The following NR2F1-AS1 variants were observed in gnomAD, a reference collection of about 807,000 sequenced individuals.
NR2F1-AS1 encodes the protein NR2F1 antisense RNA 1.
intron 4 of NR2F1-AS1, among the ~76,000 whole-genome samples, chr5:93,478,013 G>A (rs963585568): frequency 2.6e-5 from 4 of 152,182 alleles, no homozygotes; most frequent in African/African-American, 9.7e-5. Flanking sequence ...TGGAAATGCT[G>A]CAATAACAGC....
intron 2 of NR2F1-AS1, among the ~76,000 whole-genome samples, chr5:93,556,920 A>G (rs1752370158): frequency 6.6e-6 from 1 of 152,202 alleles, no homozygotes; most frequent in South Asian, 2.1e-4. Context: ...AAGGGAAACC[A>G]TGATTTCTTT....
chr5:93,576,055 C>T (rs970475857), intron 1 of NR2F1-AS1, among the ~76,000 whole-genome samples: 7 of 152,148 alleles, frequency 4.6e-5, no homozygotes, highest in African/African-American at 7.2e-5. Context: ...CCATTAAGAG[C>T]GATTAGATGA....
At chr5:93,464,100 T>C (rs1750164250) in intron 4 of NR2F1-AS1, among the ~76,000 whole-genome samples, 1 of 152,168 alleles carries the variant, frequency 6.6e-6, no homozygotes, top group Non-Finnish European at 1.5e-5. Flanking sequence ...TCATCTTGAA[T>C]TGTAACTCCC....
In NR2F1-AS1 at chr5:93,517,458, TTC is replaced by T. The variant is rs567052811; in HGVS notation, n.638+36301_638+36302del. ...TTTTTTAATTTACTTCATTATATACTTCTCTTTTCACATTTTCTCCTGTTAGT... is the reference window on the plus strand; with the variant it reads ...TTTTTTAATTTACTTCATTATATACTTCTTTTCACATTTTCTCCTGTTAGT... On this transcript the variant is annotated intron_variant and non_coding_transcript_variant, in intron 4 of 5. Coordinates refer to ENST00000660523, the Ensembl canonical transcript of NR2F1-AS1. Among the ~76,000 whole-genome samples, 20 of 152,214 alleles carry T rather than the reference TTC, an allele frequency of 1.3e-4. No homozygotes were observed. The East Asian group carries it at 3.7e-3, about 28-fold the overall frequency.
chr5:93,501,565 G>A (rs1751080838), intron 4 of NR2F1-AS1, among the ~76,000 whole-genome samples: 1 of 151,846 alleles, frequency 6.6e-6, no homozygotes, highest in Non-Finnish European at 1.5e-5. Flanking sequence ...TGTTGTCCAG[G>A]CTGGTCTCGA....
At chr5:93,537,800 T>C (rs1269786187) in intron 4 of NR2F1-AS1, among the ~76,000 whole-genome samples, 7 of 152,204 alleles carry the variant, frequency 4.6e-5, no homozygotes, top group African/African-American at 1.4e-4. Context: ...CTACTGGATA[T>C]ACAGCAGGTA....
chr5:93,450,467 C>T (rs1413011674), intron 4 of NR2F1-AS1, among the ~76,000 whole-genome samples: 1 of 152,136 alleles, frequency 6.6e-6, no homozygotes, highest in Non-Finnish European at 1.5e-5. Flanking sequence ...TTGGTTTAAA[C>T]TGACTCTACT....
At chr5:93,464,328 T>A (rs1750172415) in intron 4 of NR2F1-AS1, among the ~76,000 whole-genome samples, 1 of 152,228 alleles carries the variant, frequency 6.6e-6, no homozygotes, top group Non-Finnish European at 1.5e-5. Context: ...ATTAAATGTC[T>A]TTCTTTTCTA....
At chr5:93,493,390 TGAAA>T (rs1300906398) in intron 4 of NR2F1-AS1, among the ~76,000 whole-genome samples, 1 of 152,048 alleles carries the variant, frequency 6.6e-6, no homozygotes. Context: ...AAAACATCGC[TGAAA>T]GAAACTTTAA....
At chr5:93,434,973 G>T (rs1287930263) in intron 4 of NR2F1-AS1, among the ~76,000 whole-genome samples, 1 of 152,106 alleles carries the variant, frequency 6.6e-6, no homozygotes, top group Non-Finnish European at 1.5e-5. Flanking sequence ...AAGTTGTTAA[G>T]GTGGTATCTA....
intron 4 of NR2F1-AS1, among the ~76,000 whole-genome samples, chr5:93,494,550 G>C (rs1750919673): frequency 6.6e-6 from 1 of 152,132 alleles, no homozygotes; most frequent in African/African-American, 2.4e-5. Context: ...AGGAGGTGAA[G>C]GTTGCAGTGA....
At chr5:93,517,062 A>G (rs2149893497) in intron 4 of NR2F1-AS1, among the ~76,000 whole-genome samples, 1 of 152,104 alleles carries the variant, frequency 6.6e-6, no homozygotes. Flanking sequence ...GATAAAATGC[A>G]ATCTTATCAA....
At chr5:93,565,260 A>G (rs1187726102) in intron 1 of NR2F1-AS1, among the ~76,000 whole-genome samples, 1 of 152,154 alleles carries the variant, frequency 6.6e-6, no homozygotes, top group African/African-American at 2.4e-5. Flanking sequence ...TGTTTTAATT[A>G]CACCTAGAAA....
intron 4 of NR2F1-AS1, among the ~76,000 whole-genome samples, chr5:93,431,022 GA>G (rs1357702593): frequency 6.6e-6 from 1 of 152,086 alleles, no homozygotes; most frequent in Non-Finnish European, 1.5e-5. Context: ...TCAGAGAAGG[GA>G]AATGTATGTT....
chr5:93,560,711 A>G (rs1161962482), intron 2 of NR2F1-AS1, among the ~76,000 whole-genome samples: 1 of 152,252 alleles, frequency 6.6e-6, no homozygotes, highest in Non-Finnish European at 1.5e-5. Context: ...AAGAAAATAC[A>G]TATTTTGAAT....
chr5:93,523,237 T>A (rs888390637), intron 4 of NR2F1-AS1, among the ~76,000 whole-genome samples: 1 of 152,140 alleles, frequency 6.6e-6, no homozygotes, highest in African/African-American at 2.4e-5. Flanking sequence ...CTCTGGGAAG[T>A]TCCAACTGGA....
intron 4 of NR2F1-AS1, among the ~76,000 whole-genome samples, chr5:93,513,978 A>G (rs1309762241): frequency 6.6e-6 from 1 of 152,130 alleles, no homozygotes; most frequent in South Asian, 2.1e-4. Context: ...AAAGCATTTT[A>G]TGTTTCATTA....
At chr5:93,575,693 A>G (rs1163517385) in intron 1 of NR2F1-AS1, among the ~76,000 whole-genome samples, 3 of 152,204 alleles carry the variant, frequency 2.0e-5, no homozygotes, top group Non-Finnish European at 4.4e-5. Context: ...GACTTCTGGA[A>G]AAAGCTGTCC....
At chr5:93,539,314 T>C (rs981053735) in intron 4 of NR2F1-AS1, among the ~76,000 whole-genome samples, 2 of 152,132 alleles carry the variant, frequency 1.3e-5, no homozygotes, top group Non-Finnish European at 2.9e-5. Flanking sequence ...CCATGTTTAT[T>C]CCAGCACTAC....
Sources: allele counts gnomAD v4.1 joint callset (sites outside exome capture counted in the v4.1 genomes callset), GRCh38; gene constraint gnomAD v4.1.1; transcripts MANE v1.5; gene names NCBI Gene and HGNC (gene_info 2026-07-23, HGNC 2026-07-21).